Variants in FRMD4A observed in about 807,000 individuals in gnomAD.
FRMD4A encodes FERM domain containing 4A, also known as FERM domain-containing protein 4A.
In FRMD4A, 29 loss-of-function variants were observed where a neutral mutation model predicts 129.1. The ratio of observed to expected loss-of-function variants is 0.22; its 90% CI spans 0.17 to 0.31. The LOEUF (loss-of-function observed/expected upper bound fraction) is 0.31. Among genes scored for constraint, FRMD4A ranks in the 10% least tolerant of loss-of-function variants. The pLI is 1.00. For synonymous variants in FRMD4A, 634 were observed against 571.6 expected, an observed-to-expected ratio of 1.11 and a Z score of -1.56; for missense variants, 1,272 against 1,375.8, an observed-to-expected ratio of 0.92 and a Z score of 1.19.
intron 2 of FRMD4A, among the ~76,000 whole-genome samples, chr10:13,964,146 AC>A (rs1413972557): frequency 4.0e-5 from 6 of 149,520 alleles, no homozygotes; most frequent in African/African-American, 5.0e-5. Context: ...AAAAAAAAAA[AC>A]AGAAACAAAG....
intron 2 of FRMD4A, among the ~76,000 whole-genome samples, chr10:13,903,246 C>G (rs1320820667): frequency 6.6e-6 from 1 of 152,160 alleles, no homozygotes; most frequent in Non-Finnish European, 1.5e-5. Flanking sequence ...CTGCTCCCCC[C>G]GTTCCTAATC....
intron 2 of FRMD4A, among the ~76,000 whole-genome samples, chr10:13,922,787 T>C (rs1051350707): frequency 6.6e-6 from 1 of 152,166 alleles, no homozygotes; most frequent in Non-Finnish European, 1.5e-5. Context: ...CTCTAGGACA[T>C]AGTAGAGCTG....
intron 12 of FRMD4A, among the ~76,000 whole-genome samples, chr10:13,728,573 C>CTTTTTTTTTTTTTTTTTTTTTTGTTTTTT (rs10706168): frequency 1.3e-5 from 1 of 78,372 alleles, no homozygotes; most frequent in African/African-American, 4.7e-5. Flanking sequence ...GATTACCATT[C>CTTTTTTTTTTTTTTTTTTTTTTGTTTTTT]TTTTTTTTTT....
intron 2 of FRMD4A, among the ~76,000 whole-genome samples, chr10:13,865,408 G>GTTTTATTTTA (rs56008576): frequency 0.22 from 28,329 of 126,870 alleles, 3,592 homozygotes; most frequent in South Asian, 0.32. Flanking sequence ...TATTTTATTT[G>GTTTTATTTTA]TTTTATTTTA....
At chr10:13,973,830 G>A (rs1037077603) in intron 2 of FRMD4A, among the ~76,000 whole-genome samples, 3 of 152,026 alleles carry the variant, frequency 2.0e-5, no homozygotes, top group Non-Finnish European at 4.4e-5. Context: ...CATACAGTAC[G>A]CAGAAAATGA....
At chr10:14,299,652 G>T (rs911529421) in intron 2 of FRMD4A, among the ~76,000 whole-genome samples, 3 of 152,112 alleles carry the variant, frequency 2.0e-5, no homozygotes, top group Non-Finnish European at 2.9e-5. Flanking sequence ...CTGTCCTTTT[G>T]GGGGCTCTGG....
At chr10:13,754,054 C>T (rs1302073512) in intron 8 of FRMD4A, among the ~76,000 whole-genome samples, 2 of 152,076 alleles carry the variant, frequency 1.3e-5, no homozygotes, top group Non-Finnish European at 2.9e-5. Context: ...CAAGAAGAAA[C>T]GATTAACTTT....
chr10:13,843,224 G>A (rs979846671), intron 3 of FRMD4A, among the ~76,000 whole-genome samples: 10 of 152,126 alleles, frequency 6.6e-5, no homozygotes, highest in African/African-American at 2.4e-4. Flanking sequence ...CCCAGCCTCT[G>A]ACTCAGTATA....
chr10:14,244,639 T>C (rs1049379096), intron 2 of FRMD4A, among the ~76,000 whole-genome samples: 6 of 152,212 alleles, frequency 3.9e-5, no homozygotes, highest in Admixed American at 3.9e-4. Flanking sequence ...AAAACCAACC[T>C]AAACACTGAA....
At chr10:13,655,694 A>G (rs1221902381) in intron 22 of FRMD4A, 1 of 151,994 alleles carries the variant, frequency 6.6e-6, no homozygotes, top group Non-Finnish European at 1.5e-5. Flanking sequence ...ATCTCAGGTC[A>G]CTCTGTTTCC....
At chr10:13,733,711 G>A (rs956547848) in intron 12 of FRMD4A, among the ~76,000 whole-genome samples, 46 of 152,240 alleles carry the variant, frequency 3.0e-4, no homozygotes, top group Non-Finnish European at 7.3e-5. Context: ...ACAGGCGTGA[G>A]CCACCTCACC....
chr10:13,753,500 G>A (rs2091723274), intron 8 of FRMD4A, among the ~76,000 whole-genome samples: 1 of 151,912 alleles, frequency 6.6e-6, no homozygotes, highest in African/African-American at 2.4e-5. Context: ...TGTTTGTTGG[G>A]GGCAACATTG....
rs151000986 is a variant in FRMD4A at position 13,869,843 on chromosome 10, A to G, written c.46-10931T>C. Among the ~76,000 whole-genome samples, 824 of 152,302 alleles carry G rather than the reference A, an allele frequency of 5.4e-3. 6 individuals are homozygous for G. Among genetic ancestry groups the G allele is most frequent in the African/African-American group, 0.019 (770 of 41,554 alleles). The stretch of plus-strand genomic sequence containing the variant: ...CACTATTCTACCGGAAATACACACA[A>G]TTAGGAAGATTTATTCACAAGCCCT... On this transcript the variant is annotated intron_variant, in intron 2 of 24. Transcript: ENST00000357447.
chr10:14,211,995 A>G (rs940296007), intron 2 of FRMD4A, among the ~76,000 whole-genome samples: 1 of 152,194 alleles, frequency 6.6e-6, no homozygotes, highest in Non-Finnish European at 1.5e-5. Context: ...GAAGCAGCAC[A>G]GAGCTCTGAG....
chr10:13,695,966 G>A (rs1203667540), intron 14 of FRMD4A, among the ~76,000 whole-genome samples: 2 of 152,244 alleles, frequency 1.3e-5, no homozygotes, highest in Non-Finnish European at 2.9e-5. Flanking sequence ...CACGATGGAA[G>A]TCTGCGGGCT....
At chr10:13,696,404 A>C (rs761740733) in intron 14 of FRMD4A, among the ~76,000 whole-genome samples, 2 of 152,156 alleles carry the variant, frequency 1.3e-5, no homozygotes, top group African/African-American at 2.4e-5. Flanking sequence ...GAAGGCCTAG[A>C]CCAATTCAGT....
At chr10:14,113,787 C>T (rs1023457564) in intron 2 of FRMD4A, among the ~76,000 whole-genome samples, 10 of 151,902 alleles carry the variant, frequency 6.6e-5, no homozygotes, top group Admixed American at 2.6e-4. Context: ...CGCGTGTGTG[C>T]GTGTGTGTGT....
intron 3 of FRMD4A, among the ~76,000 whole-genome samples, chr10:13,841,264 TAAAG>T (rs1285143985): frequency 3.3e-5 from 5 of 152,222 alleles, no homozygotes; most frequent in Non-Finnish European, 4.4e-5. Flanking sequence ...TATTTTAAAA[TAAAG>T]AATTTGACTG....
intron 2 of FRMD4A, among the ~76,000 whole-genome samples, chr10:14,012,760 CG>C (rs2095686581): frequency 6.6e-6 from 1 of 152,180 alleles, no homozygotes; most frequent in Admixed American, 6.5e-5. Context: ...CCTGATGAGC[CG>C]GCCTCAACTA....
Sources: allele counts gnomAD v4.1 joint callset (sites outside exome capture counted in the v4.1 genomes callset), GRCh38; gene constraint gnomAD v4.1.1; transcripts MANE v1.5; gene names NCBI Gene and HGNC (gene_info 2026-07-23, HGNC 2026-07-21).